Variants in TOX observed in about 807,000 individuals in gnomAD.
TOX encodes thymocyte selection-associated high mobility group box protein TOX.
A neutral mutation model predicts 53.7 loss-of-function variants in TOX; 11 were observed. The observed-to-expected ratio is 0.20, with a 90% CI of 0.13 to 0.34. The LOEUF (loss-of-function observed/expected upper bound fraction) is 0.34, where lower values mean the gene tolerates loss of function less well. Ranked by LOEUF, TOX falls within the 10% of genes least tolerant of loss-of-function variation. TOX has a pLI of 1.00. For synonymous variants in TOX, 225 were observed against 245.3 expected (o/e 0.92, Z 0.77); for missense variants, 570 against 664.6 (o/e 0.86, Z 1.56).
rs145111744 is a variant in TOX, at chr8:58,893,692, C to T, written c.412-41887G>A. Among the ~76,000 whole-genome samples the T allele has an allele frequency of 4.8e-4, 73 of 152,256 alleles. No homozygotes were observed. In the East Asian group the frequency reaches 0.014, roughly 29 times the overall value. On this transcript the variant is annotated intron_variant, in intron 3 of 8. Coordinates refer to ENST00000361421, the MANE Select transcript of TOX (RefSeq NM_014729.3). ...GTGGGTTTTCTTTCCCTCACAAATA[C>T]CAAACAAAGTGTTTCCTAAGACCTA... is the stretch of plus-strand genomic sequence containing the variant.
intron 3 of TOX, among the ~76,000 whole-genome samples, chr8:58,863,444 T>C (rs1305942835): frequency 6.6e-6 from 1 of 152,156 alleles, no homozygotes; most frequent in Non-Finnish European, 1.5e-5. Flanking sequence ...CAGGTGAAAC[T>C]GTTACAGTCG....
intron 1 of TOX, among the ~76,000 whole-genome samples, chr8:59,058,029 T>C (rs1281461240): frequency 6.6e-6 from 1 of 152,168 alleles, no homozygotes; most frequent in Non-Finnish European, 1.5e-5. Context: ...ATTTTTAAAA[T>C]ATAAAACCAA....
At chr8:59,061,158 T>C (rs1213587092) in intron 1 of TOX, among the ~76,000 whole-genome samples, 1 of 152,188 alleles carries the variant, frequency 6.6e-6, no homozygotes, top group East Asian at 1.9e-4. Context: ...AAACAGAACA[T>C]GTTTACAAAA....
rs143119823 is a variant in TOX, at chr8:58,947,822, C to T, written c.169-8278G>A. Among the ~76,000 whole-genome samples the T allele has an allele frequency of 6.1e-3, 923 of 152,240 alleles. 12 individuals carry two copies. The highest frequency in any genetic ancestry group is 0.021 in the African/African-American group (884 of 41,550). Reference sequence around the variant, plus strand: ...AAGATCAGACACTTCTGCCAAGATGCGATAAGTGATCAGGGGAGGACCACA... The same window carrying T: ...AAGATCAGACACTTCTGCCAAGATGTGATAAGTGATCAGGGGAGGACCACA... On this transcript the variant is annotated intron_variant, in intron 2 of 8. Transcript: ENST00000361421.
chr8:58,913,515 G>T (rs1461549007), intron 3 of TOX, among the ~76,000 whole-genome samples: 1 of 152,110 alleles, frequency 6.6e-6, no homozygotes, highest in Admixed American at 6.5e-5. Context: ...CTTGATGAAT[G>T]CTTGTTTTCC....
At chr8:58,824,515 C>T (rs1370098643) in intron 6 of TOX, among the ~76,000 whole-genome samples, 1 of 152,288 alleles carries the variant, frequency 6.6e-6, no homozygotes, top group Middle Eastern at 3.4e-3. Flanking sequence ...CATTTTGCCA[C>T]CCTGAGTCTC....
chr8:58,944,013 G>A (rs1812485553), intron 2 of TOX, among the ~76,000 whole-genome samples: 1 of 152,194 alleles, frequency 6.6e-6, no homozygotes, highest in Non-Finnish European at 1.5e-5. Flanking sequence ...TTCTAAACCA[G>A]AGGCAGTCTA....
chr8:58,858,921 T>C (rs1202809047), intron 3 of TOX, among the ~76,000 whole-genome samples: 1 of 152,228 alleles, frequency 6.6e-6, no homozygotes, highest in African/African-American at 2.4e-5. Context: ...AGAATGTAAA[T>C]GTTGATATTA....
Position 58,851,427 on chromosome 8 carries a change from G to C in TOX, c.693+97C>G, listed in dbSNP as rs975388440. ...AACAAAGCAGGTGTCTCCCTCCAAT[G>C]TTTCTCGCATGGATGATATAAACTT... On this transcript the variant is annotated intron_variant, in intron 4 of 8. Coordinates refer to ENST00000361421, the MANE Select transcript of TOX (RefSeq NM_014729.3). The surrounding 1 kb of genome is among the most constrained non-coding windows in gnomAD (Gnocchi z 4.4). 2.9e-6 allele frequency: 4 copies of C among 1,395,242 alleles called. No homozygotes were observed. Among genetic ancestry groups the C allele is most frequent in the African/African-American group, 1.4e-5 (1 of 70,032 alleles). The allele number at this position is 1,395,242 out of a possible 1,614,324, so 86.4% of individuals were successfully genotyped here. A position where few individuals can be genotyped will look rare whatever the true frequency, so the allele number is the denominator to read the frequency against.
At chr8:58,966,967 C>T (rs1361515940) in intron 1 of TOX, among the ~76,000 whole-genome samples, 4 of 151,460 alleles carry the variant, frequency 2.6e-5, no homozygotes, top group African/African-American at 9.7e-5. Context: ...CTCTGCCTCC[C>T]GGGTTCATGC....
At chr8:59,102,479 C>T (rs1029949117) in intron 1 of TOX, among the ~76,000 whole-genome samples, 1 of 152,110 alleles carries the variant, frequency 6.6e-6, no homozygotes, top group Non-Finnish European at 1.5e-5. Flanking sequence ...CCACCTTCCT[C>T]GGCCTCCCAA....
intron 1 of TOX, among the ~76,000 whole-genome samples, chr8:59,082,184 T>C (rs1804421648): frequency 6.6e-6 from 1 of 152,240 alleles, no homozygotes; most frequent in Non-Finnish European, 1.5e-5. Context: ...TCTGGTTTAG[T>C]TTTAATTTGG....
chr8:58,838,699 C>CTTTTTT lies in TOX; in HGVS notation c.694-394_694-389dup, dbSNP rs35347981. Reference sequence around the variant, plus strand: ...TTTCTTCTAAGGAAGTTATCCTTGTCTTTTTTTTTTTTTTTTTTTTTGAGA... The same window carrying CTTTTTT: ...TTTCTTCTAAGGAAGTTATCCTTGTCTTTTTTTTTTTTTTTTTTTTTTTTTTTGAGA... On this transcript the variant is annotated intron_variant, in intron 4 of 8. Coordinates refer to ENST00000361421, the MANE Select transcript of TOX (RefSeq NM_014729.3). Among the ~76,000 whole-genome samples, 216 of 88,826 alleles carry CTTTTTT rather than the reference C, an allele frequency of 2.4e-3. 6 individuals are homozygous for CTTTTTT. Among genetic ancestry groups the CTTTTTT allele is most frequent in the Middle Eastern group, 7.1e-3 (1 of 140 alleles). 58.3% of individuals were successfully genotyped at this position (88,826 alleles called of 152,430 possible). A position where few individuals can be genotyped will look rare whatever the true frequency, so the allele number is the denominator to read the frequency against.
At chr8:59,061,451 G>T (rs1273162342) in intron 1 of TOX, among the ~76,000 whole-genome samples, 9 of 152,248 alleles carry the variant, frequency 5.9e-5, no homozygotes, top group African/African-American at 9.6e-5. Context: ...GTTCAGTAAA[G>T]GTTTAGTAAT....
intron 1 of TOX, among the ~76,000 whole-genome samples, chr8:59,088,957 G>A (rs778612862): frequency 2.6e-5 from 4 of 152,154 alleles, no homozygotes; most frequent in African/African-American, 7.2e-5. Context: ...TTAGTGAAAT[G>A]TAATACTTAA....
chr8:59,055,368 T>C (rs1175963214), intron 1 of TOX, among the ~76,000 whole-genome samples: 2 of 152,290 alleles, frequency 1.3e-5, no homozygotes, highest in South Asian at 2.1e-4. Context: ...ATGTTTGAGC[T>C]TGTGAATAAA....
chr8:59,008,379 T>A (rs1016016719), intron 1 of TOX, among the ~76,000 whole-genome samples: 3 of 152,264 alleles, frequency 2.0e-5, no homozygotes, highest in African/African-American at 7.2e-5. Flanking sequence ...GGGAGTTCCA[T>A]CGTATGTACT....
intron 1 of TOX, among the ~76,000 whole-genome samples, chr8:59,027,320 A>G (rs1436370758): frequency 6.6e-6 from 1 of 152,176 alleles, no homozygotes; most frequent in Non-Finnish European, 1.5e-5. Context: ...ACAGACCACG[A>G]AAGTATCCTC....
intron 1 of TOX, among the ~76,000 whole-genome samples, chr8:59,080,237 T>A (rs1804379025): frequency 6.6e-6 from 1 of 152,112 alleles, no homozygotes; most frequent in African/African-American, 2.4e-5. Flanking sequence ...TGCCTTAGCC[T>A]CCTAAAGTGC....
Sources: allele counts gnomAD v4.1 joint callset (sites outside exome capture counted in the v4.1 genomes callset), GRCh38; gene constraint gnomAD v4.1.1; non-coding constraint Gnocchi (gnomAD v3.1); transcripts MANE v1.5; gene names NCBI Gene and HGNC (gene_info 2026-07-23, HGNC 2026-07-21).